GPLD1: variants seen among roughly 807,000 people sequenced by gnomAD.
GPLD1 encodes glycosylphosphatidylinositol specific phospholipase D1.
In GPLD1, 84 loss-of-function variants were observed where a neutral mutation model predicts 112.6. The observed-to-expected ratio is 0.75, with a 90% CI of 0.63 to 0.89. The LOEUF is 0.89. GPLD1 is among the 40% of genes least tolerant of loss of function. The pLI is 0.00. For synonymous variants in GPLD1, 386 were observed against 403.8 expected (o/e 0.96, Z 0.53); for missense variants, 1,044 against 1,051.5 (o/e 0.99, Z 0.10).
intron 13 of GPLD1, among the ~76,000 whole-genome samples, chr6:24,455,506 G>A (rs368441208): frequency 2.6e-4 from 39 of 152,210 alleles, no homozygotes; most frequent in African/African-American, 8.4e-4. Flanking sequence ...TATACTTGGG[G>A]TTAGTTTTGT....
intron 11 of GPLD1, among the ~76,000 whole-genome samples, chr6:24,461,167 T>C (rs1763420584): frequency 6.6e-6 from 1 of 151,988 alleles, no homozygotes; most frequent in Non-Finnish European, 1.5e-5. Flanking sequence ...GCTTCAGAAA[T>C]GACTGAAGTA....
chr6:24,429,155 A>G, intron 24 of GPLD1, 37 bp from the exon 25 acceptor site: 1 of 1,329,272 alleles, frequency 7.5e-7, no homozygotes, highest in African/African-American at 1.4e-5. Flanking sequence ...TGGCTCATTC[A>G]TAACATCTAT....
intron 3 of GPLD1, among the ~76,000 whole-genome samples, chr6:24,478,562 C>T (rs1056646719): frequency 6.6e-6 from 1 of 152,174 alleles, no homozygotes; most frequent in Non-Finnish European, 1.5e-5. Flanking sequence ...TCTGAGGTCA[C>T]CTGCTTCAAC....
At chr6:24,463,482 T>A (rs1444645240) in intron 10 of GPLD1, among the ~76,000 whole-genome samples, 3 of 151,410 alleles carry the variant, frequency 2.0e-5, no homozygotes, top group Non-Finnish European at 2.9e-5. Context: ...AAAAAGGAGG[T>A]GGGAAAAAGC....
chr6:24,487,813 G>A (rs1764426522), intron 1 of GPLD1, among the ~76,000 whole-genome samples: 2 of 152,134 alleles, frequency 1.3e-5, no homozygotes, highest in South Asian at 2.1e-4. Context: ...CATTTTTAAT[G>A]GAAAGAACGC....
chr6:24,495,255 C>G (rs1764671047), upstream of GPLD1: 13 of 1,529,600 alleles, frequency 8.5e-6, no homozygotes, highest in African/African-American at 2.8e-5. Context: ...CGGCGCCGCT[C>G]TGGGCATGGT....
upstream of GPLD1, chr6:24,489,648 C>A: frequency 7.1e-7 from 1 of 1,418,254 alleles, no homozygotes; most frequent in Non-Finnish European, 9.4e-7. Flanking sequence ...AGCCTCATTT[C>A]AAAATAATAT....
At chr6:24,452,681 T>C (rs1763128858) in intron 14 of GPLD1, among the ~76,000 whole-genome samples, 1 of 150,426 alleles carries the variant, frequency 6.6e-6, no homozygotes, top group African/African-American at 2.5e-5. Flanking sequence ...GACCTTGAGA[T>C]GGGAGAATAA....
intron 10 of GPLD1, among the ~76,000 whole-genome samples, chr6:24,465,043 A>G (rs1763553796): frequency 6.6e-6 from 1 of 151,768 alleles, no homozygotes; most frequent in Non-Finnish European, 1.5e-5. Context: ...CAAAAAATAC[A>G]AAAATTAGCC....
upstream of GPLD1, among the ~76,000 whole-genome samples, chr6:24,493,840 C>T (rs1341295647): frequency 6.6e-6 from 1 of 152,198 alleles, no homozygotes; most frequent in Non-Finnish European, 1.5e-5. Flanking sequence ...TGAAAGCTAG[C>T]AAGATACTCT....
intron 7 of GPLD1, among the ~76,000 whole-genome samples, chr6:24,470,147 T>C (rs1008421870): frequency 9.2e-5 from 14 of 152,054 alleles, no homozygotes; most frequent in Non-Finnish European, 2.1e-4. Flanking sequence ...TTTGTTTTTT[T>C]GAGATGGAGT....
intron 7 of GPLD1, among the ~76,000 whole-genome samples, chr6:24,469,190 C>T (rs1015827191): frequency 5.9e-5 from 9 of 151,452 alleles, no homozygotes; most frequent in African/African-American, 2.2e-4. Flanking sequence ...GGACTGTAAA[C>T]TAGTTCAACC....
At chr6:24,489,249 C>A (rs1764484481) in intron 1 of GPLD1, among the ~76,000 whole-genome samples, 166 bp downstream of exon 1, 1 of 152,182 alleles carries the variant, frequency 6.6e-6, no homozygotes, top group African/African-American at 2.4e-5. Context: ...CAATCCCTAT[C>A]CCTGGATGAC....
At chr6:24,433,482 T>C in intron 22 of GPLD1, 93 bp from the exon 23 acceptor site, 1 of 608,486 alleles carries the variant, frequency 1.6e-6, no homozygotes, top group Non-Finnish European at 2.7e-6. Context: ...CCCTCATTTC[T>C]ACTTTTTTTT....
intron 10 of GPLD1, among the ~76,000 whole-genome samples, chr6:24,465,239 A>AAAAG (rs1763567182): frequency 6.8e-6 from 1 of 147,686 alleles, no homozygotes; most frequent in African/African-American, 2.6e-5. Flanking sequence ...GAAAAGAAAA[A>AAAAG]AAAAGAAATG....
rs183003922 is a variant in GPLD1 at position 24,476,520 on chromosome 6, C to G, written c.233-242G>C. On this transcript the variant is annotated intron_variant, in intron 3 of 24. Coordinates refer to ENST00000230036, the MANE Select transcript of GPLD1 (RefSeq NM_001503.4). ...AGCCCTACAGTAAGAGGGACGGAGCCTAAACTGGCTCACGGAATCGCAAGC... is the reference window on the plus strand; with the variant it reads ...AGCCCTACAGTAAGAGGGACGGAGCGTAAACTGGCTCACGGAATCGCAAGC... 3.0e-3 allele frequency among the ~76,000 whole-genome samples: 455 copies of G among 152,276 alleles called. 1 individual carries two copies. Among genetic ancestry groups the G allele is most frequent in the Non-Finnish European group, 5.1e-3 (348 of 68,012 alleles).
At chr6:24,430,001 T>G (rs1236056257) in intron 24 of GPLD1, among the ~76,000 whole-genome samples, 1 of 151,200 alleles carries the variant, frequency 6.6e-6, no homozygotes, top group African/African-American at 2.4e-5. Context: ...ATATGACAGT[T>G]TCTTATTTAA....
intron 22 of GPLD1, among the ~76,000 whole-genome samples, chr6:24,434,702 G>C (rs1762514289): frequency 6.6e-6 from 1 of 151,774 alleles, no homozygotes; most frequent in Admixed American, 6.6e-5. Context: ...GCCAGGCGTG[G>C]TAGTGGGCGC....
intron 2 of GPLD1, among the ~76,000 whole-genome samples, chr6:24,482,395 C>T (rs1358936669): frequency 1.3e-5 from 2 of 152,160 alleles, no homozygotes; most frequent in Non-Finnish European, 1.5e-5. Context: ...ATTCTCCTGC[C>T]TCAGCCTCCT....
Sources: allele counts gnomAD v4.1 joint callset (sites outside exome capture counted in the v4.1 genomes callset), GRCh38; gene constraint gnomAD v4.1.1; transcripts MANE v1.5; gene names NCBI Gene and HGNC (gene_info 2026-07-23, HGNC 2026-07-21).